The following ARHGEF17 variants were observed in gnomAD, a reference collection of about 807,000 sequenced individuals.
The protein encoded by ARHGEF17 is Rho guanine nucleotide exchange factor 17, also known as 164 kDa Rho-specific guanine-nucleotide exchange factor.
Under a neutral mutation model 174.0 loss-of-function variants are expected in ARHGEF17, and 80 were observed. The observed-to-expected ratio is 0.46, with a 90% CI of 0.38 to 0.55. ARHGEF17 has a LOEUF of 0.55. ARHGEF17 is among the 20% of genes least tolerant of loss of function. The pLI is 0.00. For missense variants in ARHGEF17, 2,886 were observed against 2,839.7 expected (o/e 1.02, Z -0.37); for synonymous variants, 1,311 against 1,189.1 (o/e 1.10, Z -2.11).
At chr11:73,333,918 G>C (rs1445404889) in intron 1 of ARHGEF17, among the ~76,000 whole-genome samples, 4 of 152,210 alleles carry the variant, frequency 2.6e-5, no homozygotes, top group East Asian at 1.9e-4. Context: ...CCTCCTTCAA[G>C]AGAGGATTGA....
intron 20 of ARHGEF17, among the ~76,000 whole-genome samples, chr11:73,366,932 C>G (rs999558569): frequency 6.6e-6 from 1 of 152,016 alleles, no homozygotes; most frequent in Admixed American, 6.6e-5. Context: ...CCCAGCTACT[C>G]GGGAGGCTGA....
chr11:73,311,302 C>A lies in ARHGEF17; in HGVS notation c.2664C>A (p.Ala888=), dbSNP rs746964996. Residue 888 remains alanine (A), a synonymous_variant, in exon 1 of 21, where the codon GCC becomes GCA. Coordinates refer to ENST00000263674, the MANE Select transcript of ARHGEF17 (RefSeq NM_014786.4). The part of the protein sequence containing the change: ...ATRSRAQSER[A]LPEALPPPAT... ...GGAGCCGGGCACAGTCTGAAAGGGCCCTACCTGAGGCTCTGCCTCCCCCTG... is the reference window on the plus strand; with the variant it reads ...GGAGCCGGGCACAGTCTGAAAGGGCACTACCTGAGGCTCTGCCTCCCCCTG... The A allele has an allele frequency of 1.2e-6, 2 of 1,613,186 alleles. No individual in the cohort carries two copies. Among genetic ancestry groups the A allele is most frequent in the Non-Finnish European group, 1.7e-6 (2 of 1,180,020 alleles).
chr11:73,334,616 C>G (rs950553165), intron 1 of ARHGEF17, among the ~76,000 whole-genome samples: 1 of 152,198 alleles, frequency 6.6e-6, no homozygotes, highest in African/African-American at 2.4e-5. Context: ...CTCTGGCCCC[C>G]TCCTTCCTGC....
chr11:73,356,146 G>A (rs201396302), intron 5 of ARHGEF17, 29 bp from the exon 6 acceptor site: 68 of 1,611,664 alleles, frequency 4.2e-5, no homozygotes, highest in Non-Finnish European at 5.5e-5. Flanking sequence ...TAGCTAAGCA[G>A]TCAGGTCTGC....
rs1864825265 is a variant in ARHGEF17, at chr11:73,311,214, C to T, written c.2576C>T (p.Pro859Leu). The T allele has an allele frequency of 6.2e-7, 1 of 1,602,094 alleles. No homozygotes were observed. The highest frequency in any genetic ancestry group is 1.7e-5 in the Admixed American group (1 of 59,192). ...CGAGAAGTTGAGCCCATGCTGCCTC[C>T]ATCCAGCAGCGAGCCCATCCTTGTA... ...PIREVEPMLP[P>L]SSSEPILVEQ... Residue 859 changes from proline (P) to leucine (L), a missense_variant, in exon 1 of 21, where the codon CCA (proline) becomes CTA (leucine). Physicochemically the swap from Pro to Leu is moderately conservative, Grantham distance 98. Coordinates refer to ENST00000263674, the MANE Select transcript of ARHGEF17 (RefSeq NM_014786.4).
intron 1 of ARHGEF17, among the ~76,000 whole-genome samples, chr11:73,339,449 C>T (rs1865335590): frequency 6.6e-6 from 1 of 152,066 alleles, no homozygotes; most frequent in Admixed American, 6.5e-5. Flanking sequence ...TTCATTTATT[C>T]AGCCATTACC....
rs140805031 is a variant in ARHGEF17 at position 73,309,702 on chromosome 11, C to T, written c.1064C>T (p.Pro355Leu). The stretch of plus-strand genomic sequence containing the variant: ...GGCTCTCCGCCCTGCGTCCCAGGTC[C>T]CCAGGAGGGACTTCGGCCTATGTCT... ...GSGSPPCVPG[P>L]QEGLRPMSDS... is the part of the protein sequence containing the mutation. The change falls in exon 1 of 21, where the codon CCC becomes CTC. Residue 355 changes from proline to leucine, a missense_variant. Transcript: ENST00000263674. The T allele has an allele frequency of 4.7e-5, 76 of 1,612,878 alleles. No homozygotes were observed. The highest frequency in any genetic ancestry group is 5.9e-5 in the Non-Finnish European group (70 of 1,179,962).
In ARHGEF17 at chr11:73,310,445, C is replaced by T; in HGVS notation, c.1807C>T (p.Gln603Ter). Residue 603 changes from glutamine to a stop codon, truncating the protein, a stop_gained, in exon 1 of 21, where the codon CAG becomes TAG. Transcript: ENST00000263674. LOFTEE classifies it high-confidence loss of function. ...QEARQVFEKI[Q>*]RMGAQQDDGS... Reference sequence around the variant, plus strand: ...GGCCCGCCAGGTTTTTGAGAAGATCCAGCGCATGGGTGCCCAACAAGATGA... The same window carrying T: ...GGCCCGCCAGGTTTTTGAGAAGATCTAGCGCATGGGTGCCCAACAAGATGA... The T allele has an allele frequency of 2.5e-6, 4 of 1,613,992 alleles. No homozygotes were observed. Among genetic ancestry groups the T allele is most frequent in the Non-Finnish European group, 3.4e-6 (4 of 1,180,034 alleles).
intron 9 of ARHGEF17, among the ~76,000 whole-genome samples, chr11:73,358,369 GCTCCTTCAGGCC>G (rs1865680282): frequency 1.3e-5 from 2 of 151,920 alleles, no homozygotes; most frequent in African/African-American, 4.8e-5. Context: ...TGGCAAACAA[GCTCCTTCAGGCC>G]CCTTTATCGG....
At chr11:73,355,432 G>T in intron 3 of ARHGEF17, 101 bp from the exon 4 acceptor site, 3 of 754,986 alleles carry the variant, frequency 4.0e-6, no homozygotes, top group Non-Finnish European at 4.6e-6. Context: ...ATTTCTAGTT[G>T]GAGGGAAAAG....
chr11:73,339,182 G>GTGTAGA (rs1258905461), intron 1 of ARHGEF17, among the ~76,000 whole-genome samples: 1 of 152,180 alleles, frequency 6.6e-6, no homozygotes, highest in Non-Finnish European at 1.5e-5. Flanking sequence ...CTGTCTTCCT[G>GTGTAGA]TGTAGACTGT....
At chr11:73,341,607 C>T (rs1039931887) in intron 1 of ARHGEF17, among the ~76,000 whole-genome samples, 2 of 152,184 alleles carry the variant, frequency 1.3e-5, no homozygotes, top group Admixed American at 6.5e-5. Context: ...CTACCGCGCC[C>T]GCCCGAAACT....
intron 1 of ARHGEF17, among the ~76,000 whole-genome samples, chr11:73,326,290 G>A (rs1865100689): frequency 6.6e-6 from 1 of 152,208 alleles, no homozygotes; most frequent in East Asian, 1.9e-4. Context: ...AGAGAGAACT[G>A]CAAAGGTAGA....
chr11:73,325,476 C>T (rs761556712), intron 1 of ARHGEF17, among the ~76,000 whole-genome samples: 2 of 152,158 alleles, frequency 1.3e-5, no homozygotes, highest in African/African-American at 2.4e-5. Flanking sequence ...GTGGGGTAAG[C>T]TGACAGCAAA....
chr11:73,314,927 G>A (rs1349606151), intron 1 of ARHGEF17, among the ~76,000 whole-genome samples: 3 of 152,222 alleles, frequency 2.0e-5, no homozygotes, highest in Non-Finnish European at 4.4e-5. Flanking sequence ...ACAGCAGGGG[G>A]TGACTTGTCT....
At chr11:73,314,965 G>A (rs904047606) in intron 1 of ARHGEF17, among the ~76,000 whole-genome samples, 1 of 152,242 alleles carries the variant, frequency 6.6e-6, no homozygotes, top group African/African-American at 2.4e-5. Context: ...ATGAACTCAC[G>A]AAATTTTAAC....
intron 1 of ARHGEF17, among the ~76,000 whole-genome samples, chr11:73,324,771 A>C (rs1865074482): frequency 6.6e-6 from 1 of 152,240 alleles, no homozygotes; most frequent in South Asian, 2.1e-4. Context: ...TGCTTTGGAC[A>C]TAGTGATCCT....
intron 5 of ARHGEF17, 64 bp from the exon 6 acceptor site, chr11:73,356,111 C>T (rs1865633279): frequency 6.3e-7 from 1 of 1,594,170 alleles, no homozygotes; most frequent in African/African-American, 1.3e-5. Context: ...GTCCCTCCTG[C>T]TCCAGCAGTC....
intron 1 of ARHGEF17, among the ~76,000 whole-genome samples, chr11:73,316,654 T>C (rs1383526142): frequency 6.6e-6 from 1 of 152,080 alleles, no homozygotes; most frequent in Non-Finnish European, 1.5e-5. Context: ...TCAAGAGAAC[T>C]GTATGGATGG....
Sources: gnomAD v4.1 joint callset for allele counts (sites outside exome capture counted in the v4.1 genomes callset) on GRCh38, gnomAD v4.1.1 for gene constraint, MANE v1.5 for transcripts, NCBI Gene and HGNC (gene_info 2026-07-23, HGNC 2026-07-21) for gene names.